Variants in ABCG2 observed in about 807,000 individuals in gnomAD.
The protein encoded by ABCG2 is ATP binding cassette subfamily G member 2 (JR blood group).
Under a neutral mutation model 73.5 loss-of-function variants are expected in ABCG2, and 80 were observed. The observed-to-expected ratio is 1.09, with a 90% CI of 0.91 to 1.31. The LOEUF (loss-of-function observed/expected upper bound fraction) is 1.31. ABCG2 is among the 50% of genes most tolerant of loss of function. ABCG2 has a pLI of 0.00. For synonymous variants in ABCG2, 269 were observed against 282.4 expected (o/e 0.95, Z 0.48); for missense variants, 796 against 786.2 (o/e 1.01, Z -0.15).
intron 1 of ABCG2, among the ~76,000 whole-genome samples, chr4:88,178,503 T>C (rs1437221849): frequency 1.3e-5 from 2 of 152,036 alleles, no homozygotes; most frequent in African/African-American, 2.4e-5. Context: ...GTGGTGGCTA[T>C]GGGGAGGGGC....
upstream of ABCG2, chr4:88,159,256 C>G (rs1190168748): frequency 8.8e-6 from 4 of 455,298 alleles, no homozygotes; most frequent in Non-Finnish European, 1.8e-5. Flanking sequence ...AGCGCCGAAG[C>G]ACCGGGGACG....
At chr4:88,133,763 C>T (rs372700584) in intron 2 of ABCG2, among the ~76,000 whole-genome samples, 46 of 152,214 alleles carry the variant, frequency 3.0e-4, no homozygotes, top group Non-Finnish European at 6.5e-4. Flanking sequence ...TTCGGGAAGC[C>T]GAGGCGGGTG....
At chr4:88,137,654 G>T (rs1035589031) in intron 2 of ABCG2, among the ~76,000 whole-genome samples, 1 of 152,210 alleles carries the variant, frequency 6.6e-6, no homozygotes, top group Non-Finnish European at 1.5e-5. Flanking sequence ...CAATGTCTGA[G>T]TGGTTATATA....
At chr4:88,115,916 T>A (rs915289484) in intron 7 of ABCG2, among the ~76,000 whole-genome samples, 2 of 152,108 alleles carry the variant, frequency 1.3e-5, no homozygotes, top group African/African-American at 2.4e-5. Flanking sequence ...GGTCCAGCGC[T>A]GGGTGCAATG....
intron 1 of ABCG2, among the ~76,000 whole-genome samples, chr4:88,218,611 CCT>C (rs1161982065): frequency 5.3e-5 from 8 of 152,152 alleles, no homozygotes; most frequent in African/African-American, 1.9e-4. Flanking sequence ...CACCCTTTCC[CCT>C]GAGTCCCCAA....
At chr4:88,154,653 CAG>C (rs965026179) in intron 1 of ABCG2, among the ~76,000 whole-genome samples, 4 of 151,954 alleles carry the variant, frequency 2.6e-5, no homozygotes, top group Non-Finnish European at 4.4e-5. Context: ...CCCGGTGGAT[CAG>C]AGAGATAGTC....
rs542450139 is a variant in ABCG2, at chr4:88,145,572, G to A, written c.-19-5558C>T. Reference sequence around the variant, plus strand: ...GAAGAGACCCCATCACCAAAGGGCTGTATGGTCAGTGAGAAGCCACTGAGG... The same window carrying A: ...GAAGAGACCCCATCACCAAAGGGCTATATGGTCAGTGAGAAGCCACTGAGG... On this transcript the variant is annotated intron_variant, in intron 1 of 15. Coordinates refer to ENST00000237612, the MANE Select transcript of ABCG2 (RefSeq NM_004827.3). Among the ~76,000 whole-genome samples, 7 of 152,282 alleles carry A rather than the reference G, an allele frequency of 4.6e-5. No homozygotes were observed. The South Asian group carries it at 1.0e-3, about 23-fold the overall frequency.
intron 1 of ABCG2, among the ~76,000 whole-genome samples, chr4:88,225,432 G>A (rs1730172308): frequency 6.6e-6 from 1 of 152,202 alleles, no homozygotes; most frequent in African/African-American, 2.4e-5. Flanking sequence ...AAGAACAATG[G>A]TGAGAGTGAA....
At chr4:88,139,771 T>A in intron 2 of ABCG2, 22 bp downstream of exon 2, 1 of 1,601,932 alleles carries the variant, frequency 6.2e-7, no homozygotes, top group Non-Finnish European at 8.5e-7. Flanking sequence ...AAAGCTGTCT[T>A]TTTACAAGTT....
At position 88,115,182 on chromosome 4, in the gene ABCG2, T is replaced by A. The variant is rs529603699; in HGVS notation, c.842-124A>T. ...GAATCTAATGACTTTTCCTTAACTT[T>A]CTTTCTCTCTTCTTCCCACGTAATT... On this transcript the variant is annotated intron_variant, in intron 7 of 15. Transcript: ENST00000237612. 2.1e-5 allele frequency: 12 copies of A among 579,574 alleles called. 1 individual carries two copies. In the East Asian group the frequency reaches 3.3e-4, roughly 16 times the overall value. 35.9% of individuals were successfully genotyped at this position (579,574 alleles called of 1,614,324 possible). A position where few individuals can be genotyped will look rare whatever the true frequency, so the allele number is the denominator to read the frequency against.
At chr4:88,229,564 A>G (rs1187434176) in intron 1 of ABCG2, among the ~76,000 whole-genome samples, 1 of 152,160 alleles carries the variant, frequency 6.6e-6, no homozygotes, top group Non-Finnish European at 1.5e-5. Flanking sequence ...ACTCTAGGAG[A>G]ACGCCCATGC....
chr4:88,107,622 T>C (rs1017223552), intron 9 of ABCG2, among the ~76,000 whole-genome samples: 1 of 152,174 alleles, frequency 6.6e-6, no homozygotes, highest in Non-Finnish European at 1.5e-5. Flanking sequence ...TGCAAGTATG[T>C]AGCAAAGCAA....
chr4:88,169,156 C>T (rs1006376946), intron 1 of ABCG2, among the ~76,000 whole-genome samples: 5 of 151,830 alleles, frequency 3.3e-5, no homozygotes, highest in African/African-American at 1.2e-4. Flanking sequence ...AGCAATTCTC[C>T]TGCCTCAGCC....
At position 88,219,350 on chromosome 4, in the gene ABCG2, A is replaced by G. The variant is rs547194095; in HGVS notation, c.-20+11644T>C. 3.0e-4 allele frequency among the ~76,000 whole-genome samples: 45 copies of G among 152,314 alleles called. 1 individual carries two copies. In the South Asian group the frequency reaches 9.3e-3, roughly 32 times the overall value. On this transcript the variant is annotated intron_variant, in intron 1 of 15. Transcript: ENST00000515655. Reference sequence around the variant, plus strand: ...TTATGCTCGAAAAGCTTATATTCCAATGGAGAAGACAGATGATAGCACGTA... The same window carrying G: ...TTATGCTCGAAAAGCTTATATTCCAGTGGAGAAGACAGATGATAGCACGTA...
At chr4:88,122,666 G>C (rs542109213) in intron 5 of ABCG2, among the ~76,000 whole-genome samples, 3 of 152,180 alleles carry the variant, frequency 2.0e-5, no homozygotes, top group Admixed American at 2.0e-4. Flanking sequence ...GCCCCAGTCA[G>C]GGGTATATAG....
At chr4:88,122,691 T>C (rs1724092751) in intron 5 of ABCG2, among the ~76,000 whole-genome samples, 1 of 152,142 alleles carries the variant, frequency 6.6e-6, no homozygotes, top group African/African-American at 2.4e-5. Context: ...AACTCCCACC[T>C]CCCTGGGACA....
chr4:88,166,128 A>G (rs1385557894), intron 1 of ABCG2, among the ~76,000 whole-genome samples: 1 of 152,146 alleles, frequency 6.6e-6, no homozygotes, highest in Non-Finnish European at 1.5e-5. Context: ...CACAGCAGAT[A>G]CAGAAAGAAG....
chr4:88,136,165 C>T (rs543242119), intron 2 of ABCG2, among the ~76,000 whole-genome samples: 2 of 152,080 alleles, frequency 1.3e-5, no homozygotes, highest in Admixed American at 6.5e-5. Context: ...GCTCTTCTCC[C>T]GCCCGCTTTG....
intron 1 of ABCG2, among the ~76,000 whole-genome samples, chr4:88,182,641 T>C (rs1434172973): frequency 6.6e-6 from 1 of 152,094 alleles, no homozygotes; most frequent in Admixed American, 6.5e-5. Flanking sequence ...AACAACATGC[T>C]CCTGAATGAC....
Sources: gnomAD v4.1 joint callset for allele counts (sites outside exome capture counted in the v4.1 genomes callset) on GRCh38, gnomAD v4.1.1 for gene constraint, MANE v1.5 for transcripts, NCBI Gene and HGNC (gene_info 2026-07-23, HGNC 2026-07-21) for gene names.